The following GBF1 variants were observed in gnomAD, a reference collection of about 807,000 sequenced individuals.
GBF1 encodes the protein Golgi-specific brefeldin A-resistance guanine nucleotide exchange factor 1.
Under a neutral mutation model 210.5 loss-of-function variants are expected in GBF1, and 114 were observed. The ratio of observed to expected loss-of-function variants is 0.54; its 90% confidence interval spans 0.47 to 0.63. The LOEUF is 0.63. Ranked by LOEUF, GBF1 falls within the 30% of genes least tolerant of loss-of-function variation. The pLI, the probability that GBF1 is intolerant of heterozygous loss-of-function variation, is 0.00. For synonymous variants in GBF1, 850 were observed against 889.2 expected (o/e 0.96, Z 0.78); for missense variants, 1,851 against 2,357.7 (o/e 0.79, Z 4.45).
chr10:102,372,748 A>T (rs1426585703), intron 29 of GBF1, among the ~76,000 whole-genome samples: 1 of 152,196 alleles, frequency 6.6e-6, no homozygotes, highest in Admixed American at 6.5e-5. Context: ...CTTGACCTAA[A>T]CCTCATACCT....
At chr10:102,380,873 C>T (rs995351009) in intron 38 of GBF1, among the ~76,000 whole-genome samples, 187 bp downstream of exon 38, 1 of 151,872 alleles carries the variant, frequency 6.6e-6, no homozygotes, top group Admixed American at 6.6e-5. Flanking sequence ...CCAGGTGTGG[C>T]GGTGGGTGCC....
At chr10:102,349,903 T>C (rs1214998187) in intron 4 of GBF1, among the ~76,000 whole-genome samples, 3 of 152,188 alleles carry the variant, frequency 2.0e-5, no homozygotes, top group Non-Finnish European at 2.9e-5. Flanking sequence ...TCCCCTCTTA[T>C]TCTGTACAGC....
chr10:102,237,211 A>G, the GBF1 span, among the ~76,000 whole-genome samples: 10 of 152,102 alleles, frequency 6.6e-5, no homozygotes, highest in Non-Finnish European at 1.5e-4. Context: ...GATGGACCGC[A>G]TGGGTCTGAC....
At chr10:102,261,811 G>A (rs533778169) in intron 3 of GBF1, among the ~76,000 whole-genome samples, 4 of 151,828 alleles carry the variant, frequency 2.6e-5, no homozygotes, top group Non-Finnish European at 5.9e-5. Context: ...TACTAGAGAC[G>A]GAGTTTCACC....
In GBF1 at chr10:102,382,501, C is replaced by A; in HGVS notation, c.*165C>A. On this transcript the variant is annotated 3_prime_UTR_variant, in exon 40 of 40. Coordinates refer to ENST00000369983, the MANE Select transcript of GBF1 (RefSeq NM_001377137.1). ...AGAATGTTGATAGCCCCAGCTAAGA[C>A]CCCCAATCAGCTGTGGGACCTTTTT... 1.7e-6 allele frequency: 1 copy of A among 599,098 alleles called. No homozygotes were observed. Among genetic ancestry groups the A allele is most frequent in the Admixed American group, 3.4e-5 (1 of 29,742 alleles). 37.1% of individuals were successfully genotyped at this position (599,098 alleles called of 1,614,324 possible).
intron 1 of GBF1, among the ~76,000 whole-genome samples, chr10:102,248,377 G>A (rs2071093743): frequency 6.6e-6 from 1 of 151,726 alleles, no homozygotes; most frequent in Middle Eastern, 3.2e-3. Context: ...AATAATAATA[G>A]AAGTGATCAT....
At chr10:102,368,497 G>A in intron 22 of GBF1, 43 bp downstream of exon 22, 1 of 1,079,258 alleles carries the variant, frequency 9.3e-7, no homozygotes. Flanking sequence ...CACTAGCTCT[G>A]TGAGCTAACA....
chr10:102,374,000 G>C (rs1282808749), intron 29 of GBF1, among the ~76,000 whole-genome samples: 1 of 152,092 alleles, frequency 6.6e-6, no homozygotes, highest in Non-Finnish European at 1.5e-5. Flanking sequence ...AATCTAAAAA[G>C]GTTATGTAAT....
At chr10:102,298,458 G>C (rs1312492298) in intron 3 of GBF1, among the ~76,000 whole-genome samples, 1 of 152,174 alleles carries the variant, frequency 6.6e-6, no homozygotes, top group East Asian at 1.9e-4. Context: ...ATTATATCAT[G>C]ACATTAGTTC....
At chr10:102,368,918 G>A (rs1015496345) in intron 23 of GBF1, 86 bp downstream of exon 23, 1 of 937,604 alleles carries the variant, frequency 1.1e-6, no homozygotes, top group Non-Finnish European at 1.7e-6. Context: ...AACAGACCTG[G>A]TTGCCCTCAG....
upstream of GBF1, among the ~76,000 whole-genome samples, chr10:102,240,435 T>C (rs1211665021): frequency 1.3e-5 from 2 of 152,242 alleles, no homozygotes; most frequent in African/African-American, 4.8e-5. Context: ...TGCTCACAGC[T>C]TCGCAGCCCG....
Position 102,363,138 on chromosome 10 carries a change from G to A in GBF1, c.1877-118G>A. 1 of 893,190 alleles carries A rather than the reference G, an allele frequency of 1.1e-6. No individual in the cohort carries two copies. The highest frequency in any genetic ancestry group is 1.9e-5 in the South Asian group (1 of 52,318). The allele number at this position is 893,190 out of a possible 1,614,324, so 55.3% of individuals were successfully genotyped here. A position where few individuals can be genotyped will look rare whatever the true frequency, so the allele number is the denominator to read the frequency against. On this transcript the variant is annotated intron_variant, in intron 15 of 39. Transcript: ENST00000369983. This position sits in a 1 kb window ranked among gnomAD's most constrained non-coding sequence, Gnocchi z 4.2. ...TTTGGCTTGGGTTTGTCCTGCTCAGGGCTGGCGCCCTGTGCAGGAACCATG... is the reference window on the plus strand; with the variant it reads ...TTTGGCTTGGGTTTGTCCTGCTCAGAGCTGGCGCCCTGTGCAGGAACCATG...
intron 3 of GBF1, among the ~76,000 whole-genome samples, chr10:102,324,703 C>T (rs1359494556): frequency 6.6e-6 from 1 of 152,124 alleles, no homozygotes; most frequent in African/African-American, 2.4e-5. Flanking sequence ...TCTCCTGCCT[C>T]AGCCTTCTGA....
At chr10:102,373,521 G>A (rs568359189) in intron 29 of GBF1, among the ~76,000 whole-genome samples, 6 of 152,348 alleles carry the variant, frequency 3.9e-5, no homozygotes, top group African/African-American at 1.4e-4. Flanking sequence ...AGTGAGCTGA[G>A]ATCGTGCCAC....
chr10:102,260,741 T>C (rs1000189797), intron 3 of GBF1, among the ~76,000 whole-genome samples: 2 of 151,926 alleles, frequency 1.3e-5, no homozygotes, highest in African/African-American at 4.8e-5. Context: ...CCTCTGAAAG[T>C]GCTGGGATTA....
chr10:102,318,313 A>G (rs779123154), intron 3 of GBF1, among the ~76,000 whole-genome samples: 1 of 152,086 alleles, frequency 6.6e-6, no homozygotes, highest in African/African-American at 2.4e-5. Context: ...TAGCCCCCCA[A>G]GTAGCTGGGA....
the GBF1 span, among the ~76,000 whole-genome samples, chr10:102,236,910 A>G: frequency 6.6e-6 from 1 of 152,216 alleles, no homozygotes; most frequent in Admixed American, 6.5e-5. Context: ...TTAAGTGGAC[A>G]TGGCTGCATG....
intron 1 of GBF1, among the ~76,000 whole-genome samples, chr10:102,246,337 T>G (rs2070825024): frequency 6.6e-6 from 1 of 152,210 alleles, no homozygotes; most frequent in East Asian, 1.9e-4. Flanking sequence ...AACTGGGCTA[T>G]GAGAAGGCTT....
intron 4 of GBF1, among the ~76,000 whole-genome samples, chr10:102,344,948 A>C (rs1436853324): frequency 6.6e-6 from 1 of 152,048 alleles, no homozygotes; most frequent in Non-Finnish European, 1.5e-5. Flanking sequence ...TTGAATCTTT[A>C]TGTTTTTCTA....
Sources: allele counts gnomAD v4.1 joint callset (sites outside exome capture counted in the v4.1 genomes callset), GRCh38; gene constraint gnomAD v4.1.1; non-coding constraint Gnocchi (gnomAD v3.1); transcripts MANE v1.5; gene names NCBI Gene and HGNC (gene_info 2026-07-23, HGNC 2026-07-21).